GLIS3: variants seen among roughly 807,000 people sequenced by gnomAD.
GLIS3 encodes the protein GLIS family zinc finger 3.
In GLIS3, 53 loss-of-function variants were observed where a neutral mutation model predicts 78.6. The ratio of observed to expected loss-of-function variants is 0.67; its 90% CI spans 0.54 to 0.85. The LOEUF is 0.85. GLIS3 is among the 40% of genes least tolerant of loss of function. The pLI is 0.00. For missense variants in GLIS3, 1,703 were observed against 1,231.1 expected (o/e 1.38, Z -5.74); for synonymous variants, 684 against 509.9 (o/e 1.34, Z -4.60).
chr9:4,162,641 C>T (rs962834660), intron 2 of GLIS3, among the ~76,000 whole-genome samples: 7 of 151,960 alleles, frequency 4.6e-5, no homozygotes, highest in South Asian at 4.1e-4. Flanking sequence ...GGGCAGATCA[C>T]GAGGTCAGAT....
intron 6 of GLIS3, among the ~76,000 whole-genome samples, chr9:3,905,517 G>T (rs572657743): frequency 6.6e-6 from 1 of 152,290 alleles, no homozygotes; most frequent in South Asian, 2.1e-4. Flanking sequence ...CTCCCCTGCA[G>T]GTTTGTCACT....
At chr9:3,840,158 T>G (rs1461569676) in intron 9 of GLIS3, among the ~76,000 whole-genome samples, 1 of 152,230 alleles carries the variant, frequency 6.6e-6, no homozygotes, top group Non-Finnish European at 1.5e-5. Context: ...CTCTGGCACA[T>G]AGTAGGCCTT....
chr9:4,358,716 GTATGTGTGCACATATGTGTT>G, the GLIS3 span, among the ~76,000 whole-genome samples: 1 of 152,204 alleles, frequency 6.6e-6, no homozygotes, highest in East Asian at 1.9e-4. Context: ...GCACACGTGT[GTATGTGTGCACATATGTGTT>G]TATGTGTGTA....
chr9:4,265,671 C>T (rs1414823684), intron 2 of GLIS3, among the ~76,000 whole-genome samples: 3 of 152,174 alleles, frequency 2.0e-5, no homozygotes, highest in Admixed American at 1.3e-4. Context: ...ACAAAGACAA[C>T]TGGCCATAGA....
the GLIS3 span, among the ~76,000 whole-genome samples, chr9:4,396,547 T>A: frequency 3.3e-5 from 5 of 152,228 alleles, no homozygotes; most frequent in Non-Finnish European, 7.3e-5. Flanking sequence ...GTGACAAAAT[T>A]TCTAGTTTCC....
chr9:4,089,940 C>G (rs1284058446), intron 4 of GLIS3, among the ~76,000 whole-genome samples: 3 of 152,176 alleles, frequency 2.0e-5, no homozygotes, highest in Non-Finnish European at 4.4e-5. Flanking sequence ...TTTGTTCAGA[C>G]AAAGTGGTGC....
chr9:4,183,144 A>G (rs1817481514), intron 2 of GLIS3, among the ~76,000 whole-genome samples: 1 of 152,234 alleles, frequency 6.6e-6, no homozygotes, highest in Admixed American at 6.5e-5. Flanking sequence ...GCACTGCCAC[A>G]GTGAAAGAAC....
At chr9:4,243,311 G>A (rs971871406) in intron 2 of GLIS3, among the ~76,000 whole-genome samples, 4 of 151,798 alleles carry the variant, frequency 2.6e-5, no homozygotes, top group Admixed American at 2.6e-4. Flanking sequence ...GAGGTGAGAG[G>A]GTATCAAAAA....
In GLIS3 at chr9:3,827,561, G is replaced by C. The variant is rs4997836; in HGVS notation, c.*711C>G. The C allele has an allele frequency of 0.076, 11,670 of 153,004 alleles. 572 individuals carry two copies. Among genetic ancestry groups the C allele is most frequent in the Non-Finnish European group, 0.11 (7,629 of 68,610 alleles). The allele number at this position is 153,004 out of a possible 1,614,324, so 9.5% of individuals were successfully genotyped here. A position where few individuals can be genotyped will look rare whatever the true frequency, so the allele number is the denominator to read the frequency against. ...AGCTGTGCAAAATGTCTATAGCTGG[G>C]GTGATTACAATAATAATGATTTCCA... is the stretch of plus-strand genomic sequence containing the variant. On this transcript the variant is annotated 3_prime_UTR_variant, in exon 11 of 11. Coordinates refer to ENST00000381971, the MANE Select transcript of GLIS3 (RefSeq NM_001042413.2).
chr9:4,061,239 C>T (rs947908365), intron 4 of GLIS3, among the ~76,000 whole-genome samples: 8 of 139,800 alleles, frequency 5.7e-5, no homozygotes, highest in African/African-American at 2.1e-4. Flanking sequence ...TGACAGGCCC[C>T]GGTGTGTGAT....
chr9:4,354,813 C>T, the GLIS3 span, among the ~76,000 whole-genome samples: 1 of 152,120 alleles, frequency 6.6e-6, no homozygotes, highest in Non-Finnish European at 1.5e-5. Context: ...AAGCTACTGT[C>T]ACCTTTAAGA....
chr9:4,348,552 G>T (rs1427146272), upstream of GLIS3, among the ~76,000 whole-genome samples: 2 of 152,192 alleles, frequency 1.3e-5, no homozygotes, highest in Non-Finnish European at 2.9e-5. Flanking sequence ...CTACTCCAAG[G>T]AGGCTGGGAG....
At chr9:4,464,214 A>G in the GLIS3 span, among the ~76,000 whole-genome samples, 206 of 152,240 alleles carry the variant, frequency 1.4e-3, 10 homozygotes, top group East Asian at 0.034. Context: ...TTTAATAAAG[A>G]GAGCAGGCCT....
intron 4 of GLIS3, among the ~76,000 whole-genome samples, chr9:4,027,509 C>CT (rs1052456111): frequency 1.3e-5 from 2 of 152,164 alleles, no homozygotes; most frequent in Admixed American, 6.5e-5. Flanking sequence ...GTTTGAGGCT[C>CT]TTTTTTTCTC....
At chr9:4,196,676 A>G (rs913844583) in intron 2 of GLIS3, among the ~76,000 whole-genome samples, 4 of 152,182 alleles carry the variant, frequency 2.6e-5, no homozygotes, top group Admixed American at 6.5e-5. Context: ...AACTCCGAAC[A>G]TGTCTGAACA....
the GLIS3 span, among the ~76,000 whole-genome samples, chr9:4,439,292 T>C: frequency 6.6e-6 from 1 of 152,250 alleles, no homozygotes; most frequent in Non-Finnish European, 1.5e-5. Context: ...ACACTTAAAA[T>C]GCACACTCCA....
chr9:3,871,163 A>C (rs181947785), intron 8 of GLIS3, among the ~76,000 whole-genome samples: 1 of 152,204 alleles, frequency 6.6e-6, no homozygotes. Context: ...GGTCACACTG[A>C]TGCAAGAGGT....
At chr9:4,246,563 G>A (rs765861809) in intron 2 of GLIS3, among the ~76,000 whole-genome samples, 3 of 152,130 alleles carry the variant, frequency 2.0e-5, no homozygotes, top group Non-Finnish European at 2.9e-5. Context: ...GTGAGTAATC[G>A]CTTGAGAAGC....
intron 4 of GLIS3, among the ~76,000 whole-genome samples, chr9:4,015,057 A>G (rs1330477787): frequency 6.6e-6 from 1 of 152,242 alleles, no homozygotes; most frequent in Non-Finnish European, 1.5e-5. Flanking sequence ...ACTGCTAGTA[A>G]AGTGAAAGCT....
Sources: allele counts gnomAD v4.1 joint callset (sites outside exome capture counted in the v4.1 genomes callset), GRCh38; gene constraint gnomAD v4.1.1; transcripts MANE v1.5; gene names NCBI Gene and HGNC (gene_info 2026-07-23, HGNC 2026-07-21).